Variants in ADRA1B observed in about 807,000 individuals in gnomAD.
ADRA1B encodes adrenoceptor alpha 1B.
Under a neutral mutation model 17.9 loss-of-function variants are expected in ADRA1B, and 17 were observed. The observed-to-expected ratio is 0.95, with a 90% CI of 0.65 to 1.42. ADRA1B has a LOEUF of 1.42. Ranked by LOEUF, ADRA1B falls within the 40% of genes most tolerant of loss-of-function variation. The pLI, the probability that ADRA1B is intolerant of heterozygous loss-of-function variation, is 0.00. For missense variants in ADRA1B, 681 were observed against 722.1 expected, an observed-to-expected ratio of 0.94 and a Z score of 0.65; for synonymous variants, 366 against 327.6, an observed-to-expected ratio of 1.12 and a Z score of -1.27.
chr5:159,882,541 T>C (rs1312162663), intron 1 of ADRA1B, among the ~76,000 whole-genome samples: 3 of 152,190 alleles, frequency 2.0e-5, no homozygotes, highest in East Asian at 1.9e-4. Flanking sequence ...ACGGGTCATA[T>C]TGAGACAAAA....
chr5:159,875,908 G>GC (rs34060551), intron 1 of ADRA1B, among the ~76,000 whole-genome samples: 109,811 of 152,148 alleles, frequency 0.72, 41,381 homozygotes, highest in African/African-American at 0.88. Flanking sequence ...AACAACAAGG[G>GC]CCGGGCATGG....
chr5:159,971,767 C>A (rs1755869218), intron 1 of ADRA1B, 112 bp from the exon 2 acceptor site: 1 of 1,162,150 alleles, frequency 8.6e-7, no homozygotes, highest in Non-Finnish European at 1.1e-6. Flanking sequence ...AAAGGCCTGG[C>A]GGCAGGAACG....
chr5:159,908,844 C>T (rs1323197529), intron 1 of ADRA1B, among the ~76,000 whole-genome samples: 2 of 152,170 alleles, frequency 1.3e-5, no homozygotes, highest in Non-Finnish European at 2.9e-5. Flanking sequence ...AAGTGGGTAG[C>T]GCTCCAAAGG....
chr5:159,959,862 C>T (rs1426934479), intron 1 of ADRA1B, among the ~76,000 whole-genome samples: 1 of 151,274 alleles, frequency 6.6e-6, no homozygotes, highest in Non-Finnish European at 1.5e-5. Context: ...TGGCCTTCCC[C>T]ACCCCAGAAG....
intron 1 of ADRA1B, among the ~76,000 whole-genome samples, chr5:159,971,167 C>T (rs1401616411): frequency 6.6e-6 from 1 of 152,146 alleles, no homozygotes; most frequent in Non-Finnish European, 1.5e-5. Context: ...TTAGCCCTTG[C>T]GTTTCCTATT....
At chr5:159,908,501 C>T (rs1273131798) in intron 1 of ADRA1B, among the ~76,000 whole-genome samples, 3 of 152,210 alleles carry the variant, frequency 2.0e-5, no homozygotes, top group East Asian at 3.9e-4. Flanking sequence ...CCTGGCACGT[C>T]CTCCTCTTTC....
rs892128527 is a variant in ADRA1B, at chr5:159,950,645, A to C, written c.950-21234A>C. 29 of 792,772 alleles carry C rather than the reference A, an allele frequency of 3.7e-5. 1 individual carries two copies. Among genetic ancestry groups the C allele is most frequent in the Admixed American group, 2.6e-4 (15 of 58,228 alleles). The allele number at this position is 792,772 out of a possible 1,614,324, so 49.1% of individuals were successfully genotyped here. The stretch of plus-strand genomic sequence containing the variant: ...GTGGAGGAGTGGGTGTCTCTGTTGA[A>C]GTCAGAGGAGACAACCTGGTGCTCA... On this transcript the variant is annotated intron_variant, in intron 1 of 1. Transcript: ENST00000306675.
intron 1 of ADRA1B, among the ~76,000 whole-genome samples, chr5:159,965,243 G>A (rs1755752002): frequency 6.6e-6 from 1 of 152,118 alleles, no homozygotes; most frequent in African/African-American, 2.4e-5. Context: ...TAAGGAAGGA[G>A]GCTTCCCAGG....
At chr5:159,973,087 C>T (rs890612272), downstream of ADRA1B, among the ~76,000 whole-genome samples, 4 of 152,210 alleles carry the variant, frequency 2.6e-5, no homozygotes, top group African/African-American at 4.8e-5. Flanking sequence ...GGATTTGACC[C>T]GGTCCTAGGT....
intron 1 of ADRA1B, among the ~76,000 whole-genome samples, chr5:159,878,235 G>A (rs564043898): frequency 1.2e-4 from 18 of 152,318 alleles, no homozygotes; most frequent in African/African-American, 4.3e-4. Context: ...TCAGGGCCAG[G>A]AGCCAAGGTA....
At chr5:159,902,130 C>G (rs1157552737) in intron 1 of ADRA1B, among the ~76,000 whole-genome samples, 1 of 143,304 alleles carries the variant, frequency 7.0e-6, no homozygotes, top group Non-Finnish European at 1.6e-5. Flanking sequence ...GTGATATATA[C>G]ACTATATACA....
At chr5:159,924,595 C>T (rs1754591766) in intron 1 of ADRA1B, among the ~76,000 whole-genome samples, 1 of 152,160 alleles carries the variant, frequency 6.6e-6, no homozygotes, top group Non-Finnish European at 1.5e-5. Context: ...AGAGCTATGC[C>T]TGTCAGGTCT....
At chr5:159,981,496 T>C in the ADRA1B span, among the ~76,000 whole-genome samples, 1 of 152,212 alleles carries the variant, frequency 6.6e-6, no homozygotes, top group Non-Finnish European at 1.5e-5. Context: ...TGTCACTTTT[T>C]GTTTGTTTGC....
chr5:159,954,561 A>G (rs1414030270), intron 1 of ADRA1B, among the ~76,000 whole-genome samples: 1 of 152,174 alleles, frequency 6.6e-6, no homozygotes, highest in Non-Finnish European at 1.5e-5. Context: ...TTATGGAATC[A>G]CTGCCTCTGT....
chr5:159,960,709 A>T (rs56060511), intron 1 of ADRA1B, among the ~76,000 whole-genome samples: 2,398 of 73,364 alleles, frequency 0.033, 15 homozygotes, highest in Non-Finnish European at 0.047. Flanking sequence ...CCCAGCTCTT[A>T]AAAAAAAAAA....
chr5:159,957,930 AAAAAAAAAAAAAAAAAAAAAAAGAAAAG>A (rs1371215915), intron 1 of ADRA1B, among the ~76,000 whole-genome samples: 21 of 62,390 alleles, frequency 3.4e-4, no homozygotes, highest in African/African-American at 1.0e-3. Flanking sequence ...ACCCCATCTC[AAAAAAAAAAAAAAAAAAAAAAAGAAAAG>A]AAAAAAGAAA....
chr5:159,941,837 G>A (rs1364909725), intron 1 of ADRA1B, among the ~76,000 whole-genome samples: 1 of 151,750 alleles, frequency 6.6e-6, no homozygotes, highest in Non-Finnish European at 1.5e-5. Flanking sequence ...ATAGGCAAAT[G>A]CACAGAGAGA....
At chr5:159,970,497 T>A (rs1457714725) in intron 1 of ADRA1B, among the ~76,000 whole-genome samples, 1 of 152,216 alleles carries the variant, frequency 6.6e-6, no homozygotes, top group Non-Finnish European at 1.5e-5. Context: ...ACATCCAGGT[T>A]GTCTCCCACC....
intron 1 of ADRA1B, among the ~76,000 whole-genome samples, chr5:159,926,241 G>A (rs1395183007): frequency 2.6e-5 from 4 of 151,914 alleles, no homozygotes; most frequent in African/African-American, 7.3e-5. Flanking sequence ...GTTCCTGCTC[G>A]TCTGTAAACA....
Sources: allele counts gnomAD v4.1 joint callset (sites outside exome capture counted in the v4.1 genomes callset), GRCh38; gene constraint gnomAD v4.1.1; transcripts MANE v1.5; gene names NCBI Gene and HGNC (gene_info 2026-07-23, HGNC 2026-07-21).